SH3RF2: variants seen among roughly 807,000 people sequenced by gnomAD.
SH3RF2 encodes the protein SH3 domain containing ring finger 2.
SH3RF2 carries 43 observed loss-of-function variants against 59.0 expected under a neutral mutation model. The ratio of observed to expected loss-of-function variants is 0.73; its 90% CI spans 0.57 to 0.94. The LOEUF is 0.94. SH3RF2 is among the 40% of genes least tolerant of loss of function. The probability of loss-of-function intolerance (pLI) is 0.00; values close to 1 mark genes in which losing one functional copy is unlikely to be tolerated. For missense variants in SH3RF2, 930 were observed against 940.1 expected (o/e 0.99, Z 0.14); for synonymous variants, 391 against 391.5 (o/e 1.00, Z 0.01).
Position 146,056,034 on chromosome 5 carries a change from C to A in SH3RF2, c.1376C>A (p.Thr459Lys). ...SRSPGLYTTW[T>K]LSTSSVSSQG... Reference sequence around the variant, plus strand: ...AGCCCTGGTCTCTACACCACATGGACGTTATCCACCTCCTCTGTGTCCTCC... The same window carrying A: ...AGCCCTGGTCTCTACACCACATGGAAGTTATCCACCTCCTCTGTGTCCTCC... The change falls in exon 8 of 10, where the codon ACG (threonine) becomes AAG (lysine). Residue 459 changes from threonine (T) to lysine (K), a missense_variant. Transcript: ENST00000359120. 6.2e-7 allele frequency: 1 copy of A among 1,614,222 alleles called. No homozygotes were observed. The highest frequency in any genetic ancestry group is 8.5e-7 in the Non-Finnish European group (1 of 1,180,052).
chr5:146,003,642 G>C (rs1040039605), intron 3 of SH3RF2, among the ~76,000 whole-genome samples: 1 of 152,088 alleles, frequency 6.6e-6, no homozygotes, highest in African/African-American at 2.4e-5. Flanking sequence ...CTTTATGTTT[G>C]ATGCATTAAA....
intron 5 of SH3RF2, among the ~76,000 whole-genome samples, chr5:146,028,279 G>C (rs1761614351): frequency 7.0e-6 from 1 of 143,492 alleles, no homozygotes; most frequent in Non-Finnish European, 1.6e-5. Context: ...AAAGGGAAAA[G>C]CAATGTAACA....
chr5:146,042,608 G>C (rs1762166357), intron 5 of SH3RF2, among the ~76,000 whole-genome samples: 1 of 152,204 alleles, frequency 6.6e-6, no homozygotes, highest in South Asian at 2.1e-4. Context: ...AGAGGTAGCT[G>C]CATTTTCTAT....
chr5:146,079,130 A>T (rs1215613239), exon 10 of SH3RF2: 1 of 152,222 alleles, frequency 6.6e-6, no homozygotes, highest in African/African-American at 2.4e-5. Flanking sequence ...CTCAGAAAAA[A>T]AATCCATGAT....
At chr5:146,079,519 G>A (rs1345683066) in exon 10 of SH3RF2, 1 of 152,194 alleles carries the variant, frequency 6.6e-6, no homozygotes, top group African/African-American at 2.4e-5. Flanking sequence ...GGATATGTCG[G>A]TTGTTTTAAA....
intron 5 of SH3RF2, among the ~76,000 whole-genome samples, chr5:146,024,156 A>G (rs974979989): frequency 4.6e-5 from 7 of 152,246 alleles, no homozygotes; most frequent in Non-Finnish European, 8.8e-5. Flanking sequence ...GGAACTGCCA[A>G]TGATTTTCAA....
intron 2 of SH3RF2, among the ~76,000 whole-genome samples, chr5:145,970,214 C>A (rs1759025753): frequency 6.6e-6 from 1 of 151,440 alleles, no homozygotes; most frequent in Non-Finnish European, 1.5e-5. Flanking sequence ...TTTGGTGCAC[C>A]CATCACCCAA....
chr5:146,040,387 G>A (rs1248254708), intron 5 of SH3RF2, among the ~76,000 whole-genome samples: 1 of 152,052 alleles, frequency 6.6e-6, no homozygotes, highest in East Asian at 1.9e-4. Context: ...GACCAGAAGT[G>A]GGAAGTGGGA....
chr5:145,964,739 T>A (rs1758794359), intron 2 of SH3RF2, among the ~76,000 whole-genome samples: 1 of 152,212 alleles, frequency 6.6e-6, no homozygotes, highest in African/African-American at 2.4e-5. Context: ...CCATTTTGAC[T>A]GTGGATCATT....
At chr5:146,025,325 G>A (rs1268579936) in intron 5 of SH3RF2, among the ~76,000 whole-genome samples, 1 of 152,236 alleles carries the variant, frequency 6.6e-6, no homozygotes, top group Admixed American at 6.5e-5. Context: ...ACTGCCAGCT[G>A]GGCTAATCTT....
downstream of SH3RF2, among the ~76,000 whole-genome samples, chr5:146,065,612 TGA>T (rs1763084692): frequency 1.3e-5 from 2 of 152,220 alleles, no homozygotes; most frequent in South Asian, 4.1e-4. Context: ...ATAACCTCTC[TGA>T]GAGATGCAAA....
At chr5:146,013,534 C>A (rs1760988129) in intron 4 of SH3RF2, among the ~76,000 whole-genome samples, 1 of 152,084 alleles carries the variant, frequency 6.6e-6, no homozygotes, top group African/African-American at 2.4e-5. Flanking sequence ...ACTTACTTTG[C>A]AGGAAAGTTA....
intron 5 of SH3RF2, among the ~76,000 whole-genome samples, chr5:146,040,559 G>A (rs1016623214): frequency 2.6e-5 from 4 of 152,082 alleles, no homozygotes; most frequent in African/African-American, 9.7e-5. Context: ...TCCAAATTTT[G>A]ATGACTACTT....
At chr5:145,997,657 G>A (rs1225316665) in intron 2 of SH3RF2, 18 of 1,569,250 alleles carry the variant, frequency 1.1e-5, no homozygotes, top group Non-Finnish European at 2.6e-6. Flanking sequence ...GCAACTGTTT[G>A]CTACCCAGTT....
At chr5:146,058,787 A>G (rs1367278092) in intron 8 of SH3RF2, among the ~76,000 whole-genome samples, 1 of 151,790 alleles carries the variant, frequency 6.6e-6, no homozygotes, top group Non-Finnish European at 1.5e-5. Context: ...TACAGGATAT[A>G]TGTCCAATGG....
chr5:146,027,414 C>A (rs1192159504), intron 5 of SH3RF2, among the ~76,000 whole-genome samples: 1 of 152,190 alleles, frequency 6.6e-6, no homozygotes, highest in Non-Finnish European at 1.5e-5. Context: ...TTGCCAAAGC[C>A]CCTCACAGCC....
At chr5:145,957,292 T>C (rs1758453907) in intron 2 of SH3RF2, among the ~76,000 whole-genome samples, 1 of 152,162 alleles carries the variant, frequency 6.6e-6, no homozygotes, top group Admixed American at 6.5e-5. Context: ...TTGGCTCCTG[T>C]GCGGGAAATG....
chr5:145,974,079 G>A (rs1269425278), intron 2 of SH3RF2, among the ~76,000 whole-genome samples: 1 of 152,162 alleles, frequency 6.6e-6, no homozygotes, highest in East Asian at 1.9e-4. Context: ...TCACTTCCAG[G>A]CTTGCTCAGG....
At chr5:145,971,575 A>G (rs1310965182) in intron 2 of SH3RF2, among the ~76,000 whole-genome samples, 1 of 152,212 alleles carries the variant, frequency 6.6e-6, no homozygotes, top group South Asian at 2.1e-4. Context: ...CTCAACACAT[A>G]CTGTGCTGCT....
Sources: allele counts gnomAD v4.1 joint callset (sites outside exome capture counted in the v4.1 genomes callset), GRCh38; gene constraint gnomAD v4.1.1; transcripts MANE v1.5; gene names NCBI Gene and HGNC (gene_info 2026-07-23, HGNC 2026-07-21).